The following DDI1 variants were observed in gnomAD, a reference collection of about 807,000 sequenced individuals.
The protein encoded by DDI1 is DDI proteasomal shuttling factor 1.
A neutral mutation model predicts 7.2 loss-of-function variants in DDI1; 6 were observed. The observed-to-expected ratio is 0.83, with a 90% CI of 0.46 to 1.64. The LOEUF (loss-of-function observed/expected upper bound fraction) is 1.64, where lower values mean the gene tolerates loss of function less well. Among genes scored for constraint, DDI1 ranks in the 40% most tolerant of loss-of-function variants. DDI1 has a pLI of 0.01. For synonymous variants in DDI1, 221 were observed against 201.7 expected (o/e 1.10, Z -0.81); for missense variants, 502 against 516.6 (o/e 0.97, Z 0.27).
Position 104,037,080 on chromosome 11 carries a change from G to C in DDI1, c.258G>C (p.Gly86=). ...QKDNVGPRAP[G]RAPNQPRVDF... ...ACAATGTGGGACCTCGGGCTCCAGG[G>C]CGTGCCCCGAACCAGCCTCGTGTAG... The change falls in exon 1 of 1, where the codon GGG becomes GGC. Residue 86 remains glycine (G), a synonymous_variant. Coordinates refer to ENST00000302259, the MANE Select transcript of DDI1 (RefSeq NM_001001711.3). 1 of 1,614,236 alleles carries C rather than the reference G, an allele frequency of 6.2e-7. No individual in the cohort carries two copies. Among genetic ancestry groups the C allele is most frequent in the Non-Finnish European group, 8.5e-7 (1 of 1,180,044 alleles).
In DDI1 at chr11:104,036,697, A is replaced by C. The variant is rs1860238880; in HGVS notation, c.-126A>C. The stretch of plus-strand genomic sequence containing the variant: ...AGTGTCCGCGCCTCTCTGAGAGGTG[A>C]ATGAGCCCGGACGGTCCCTACCTAC... On this transcript the variant is annotated 5_prime_UTR_variant, in exon 1 of 1. Coordinates refer to ENST00000302259, the MANE Select transcript of DDI1 (RefSeq NM_001001711.3). 2.7e-6 allele frequency: 2 copies of C among 739,226 alleles called. No homozygotes were observed. 45.8% of individuals were successfully genotyped at this position (739,226 alleles called of 1,614,324 possible). A position where few individuals can be genotyped will look rare whatever the true frequency, so the allele number is the denominator to read the frequency against.
chr11:104,038,167 C>A lies in DDI1; in HGVS notation c.*154C>A. 1.3e-6 allele frequency: 1 copy of A among 750,546 alleles called. No individual in the cohort carries two copies. Among genetic ancestry groups the A allele is most frequent in the South Asian group, 2.0e-5 (1 of 50,876 alleles). 46.5% of individuals were successfully genotyped at this position (750,546 alleles called of 1,614,324 possible). ...TCTCAGATGGGTAACTAACGTCAAT[C>A]CTGATTCCTTGGTCTTGGTCCCTCT... On this transcript the variant is annotated 3_prime_UTR_variant, in exon 1 of 1. Coordinates refer to ENST00000302259, the MANE Select transcript of DDI1 (RefSeq NM_001001711.3).
Position 104,037,837 on chromosome 11 carries a change from C to T in DDI1, c.1015C>T (p.Gln339Ter). ...AGGCCTAGATATGCTCCGGAGACAT[C>T]AATGTTCCATCGATTTGAAGAAAAA... ...LLGLDMLRRH[Q>*]CSIDLKKNVL... The change falls in exon 1 of 1, where the codon CAA becomes TAA. Residue 339 changes from glutamine (Q) to a stop codon, truncating the protein, a stop_gained. Transcript: ENST00000302259. LOFTEE classifies it low-confidence loss of function (END_TRUNC). 9 of 1,614,152 alleles carry T rather than the reference C, an allele frequency of 5.6e-6. No homozygotes were observed. The highest frequency in any genetic ancestry group is 6.8e-6 in the Non-Finnish European group (8 of 1,180,032).
rs1475480990 is a variant in DDI1 at position 104,037,765 on chromosome 11, C to T, written c.943C>T (p.Gln315Ter). The T allele has an allele frequency of 8.1e-6, 13 of 1,614,130 alleles. No homozygotes were observed. The highest frequency in any genetic ancestry group is 1.1e-5 in the South Asian group (1 of 91,078). Reference sequence around the variant, plus strand: ...GATTCAAATTGAAGGTGATTTCTTACAGTGCTCTTTCTCCATACTTGAGGA... The same window carrying T: ...GATTCAAATTGAAGGTGATTTCTTATAGTGCTCTTTCTCCATACTTGAGGA... ...AQIQIEGDFLQCSFSILEDQP... is the reference protein window; with the variant it reads ...AQIQIEGDFL Residue 315 changes from glutamine (Q) to a stop codon, truncating the protein, a stop_gained, in exon 1 of 1, where the codon CAG becomes TAG. Coordinates refer to ENST00000302259, the MANE Select transcript of DDI1 (RefSeq NM_001001711.3). LOFTEE classifies it high-confidence loss of function.
rs1246340662 is a variant in DDI1 at position 104,037,681 on chromosome 11, G to A, written c.859G>A (p.Ala287Thr). Residue 287 changes from alanine to threonine, a missense_variant, in exon 1 of 1, where the codon GCT becomes ACT. Coordinates refer to ENST00000302259, the MANE Select transcript of DDI1 (RefSeq NM_001001711.3). ...NIMRLVDRRW[A>T]GVAKGVGTQR... Reference sequence around the variant, plus strand: ...CATGAGGCTGGTGGACCGACGGTGGGCTGGGGTTGCTAAAGGAGTGGGCAC... The same window carrying A: ...CATGAGGCTGGTGGACCGACGGTGGACTGGGGTTGCTAAAGGAGTGGGCAC... The A allele has an allele frequency of 6.2e-7, 1 of 1,614,112 alleles. No individual in the cohort carries two copies. The highest frequency in any genetic ancestry group is 8.5e-7 in the Non-Finnish European group (1 of 1,180,036).
At position 104,036,680 on chromosome 11, in the gene DDI1, C is replaced by T. The variant is rs1001438638; in HGVS notation, c.-143C>T. 1 of 677,262 alleles carries T rather than the reference C, an allele frequency of 1.5e-6. No homozygotes were observed. The highest frequency in any genetic ancestry group is 2.5e-5 in the East Asian group (1 of 39,220). 42.0% of individuals were successfully genotyped at this position (677,262 alleles called of 1,614,324 possible). ...CAGCCCCCAGACAGATGAGTGTCCG[C>T]GCCTCTCTGAGAGGTGAATGAGCCC... On this transcript the variant is annotated 5_prime_UTR_variant, in exon 1 of 1. Coordinates refer to ENST00000302259, the MANE Select transcript of DDI1 (RefSeq NM_001001711.3).
At position 104,038,294 on chromosome 11, in the gene DDI1, C is replaced by A; in HGVS notation, c.*281C>A. On this transcript the variant is annotated 3_prime_UTR_variant, in exon 1 of 1. Transcript: ENST00000302259. Reference sequence around the variant, plus strand: ...CCATGAAAAAGAAAACCAGCTTCTTCCTTTAGAGACACTATCCTATCAGAT... The same window carrying A: ...CCATGAAAAAGAAAACCAGCTTCTTACTTTAGAGACACTATCCTATCAGAT... 2.6e-6 allele frequency: 1 copy of A among 380,968 alleles called. No homozygotes were observed. The allele number at this position is 380,968 out of a possible 1,614,324, so 23.6% of individuals were successfully genotyped here. A position where few individuals can be genotyped will look rare whatever the true frequency, so the allele number is the denominator to read the frequency against.
Position 104,037,222 on chromosome 11 carries a change from G to A in DDI1, c.400G>A (p.Val134Met), listed in dbSNP as rs1052537886. ...RSQGLASGEK[V>M]AGLQGLGSPA... ...ACAGGGCTTGGCGTCAGGAGAGAAG[G>A]TGGCCGGCCTGCAAGGTCTGGGCAG... The change falls in exon 1 of 1, where the codon GTG (valine) becomes ATG (methionine). Residue 134 changes from valine to methionine, a missense_variant. Coordinates refer to ENST00000302259, the MANE Select transcript of DDI1 (RefSeq NM_001001711.3). The A allele has an allele frequency of 5.6e-6, 9 of 1,613,616 alleles. No homozygotes were observed. The highest frequency in any genetic ancestry group is 4.0e-5 in the African/African-American group (3 of 74,944).
In DDI1 at chr11:104,038,389, T is replaced by C. The variant is rs115118274; in HGVS notation, c.*376T>C. ...GGAAAAATGCTATGGCTGCAGACCTTACAAGGCATCCACATAAAACTATTT... is the reference window on the plus strand; with the variant it reads ...GGAAAAATGCTATGGCTGCAGACCTCACAAGGCATCCACATAAAACTATTT... On this transcript the variant is annotated 3_prime_UTR_variant, in exon 1 of 1. Coordinates refer to ENST00000302259, the MANE Select transcript of DDI1 (RefSeq NM_001001711.3). 2,024 of 203,066 alleles carry C rather than the reference T, an allele frequency of 1.0e-2. 38 individuals carry two copies. The highest frequency in any genetic ancestry group is 0.044 in the African/African-American group (1,889 of 42,996). The allele number at this position is 203,066 out of a possible 1,614,324, so 12.6% of individuals were successfully genotyped here.
At position 104,037,026 on chromosome 11, in the gene DDI1, T is replaced by A; in HGVS notation, c.204T>A (p.Asp68Glu). Residue 68 changes from aspartate to glutamate, a missense_variant, in exon 1 of 1, where the codon GAT (aspartate) becomes GAA (glutamate). Physicochemically the swap from Asp to Glu is conservative, Grantham distance 45. Coordinates refer to ENST00000302259, the MANE Select transcript of DDI1 (RefSeq NM_001001711.3). ...HCSLGSYGLK[D>E]GDIVVLLQKD... ...CCCTGGGCTCCTACGGCCTCAAAGA[T>A]GGCGATATCGTGGTTTTACTGCAGA... The A allele has an allele frequency of 6.2e-7, 1 of 1,614,230 alleles. No homozygotes were observed. Among genetic ancestry groups the A allele is most frequent in the African/African-American group, 1.3e-5 (1 of 75,064 alleles).
Position 104,037,078 on chromosome 11 carries a change from G to A in DDI1, c.256G>A (p.Gly86Arg), listed in dbSNP as rs1860254874. 6 of 1,614,122 alleles carry A rather than the reference G, an allele frequency of 3.7e-6. No individual in the cohort carries two copies. The highest frequency in any genetic ancestry group is 1.7e-5 in the Admixed American group (1 of 60,016). ...GGACAATGTGGGACCTCGGGCTCCAGGGCGTGCCCCGAACCAGCCTCGTGT... is the reference window on the plus strand; with the variant it reads ...GGACAATGTGGGACCTCGGGCTCCAAGGCGTGCCCCGAACCAGCCTCGTGT... ...QKDNVGPRAP[G>R]RAPNQPRVDF... Residue 86 changes from glycine to arginine, a missense_variant, in exon 1 of 1, where the codon GGG becomes AGG. Physicochemically the swap from Gly to Arg is moderately radical, Grantham distance 125 (BLOSUM62 -2). Transcript: ENST00000302259.
At position 104,036,929 on chromosome 11, in the gene DDI1, C is replaced by G; in HGVS notation, c.107C>G (p.Ala36Gly). Residue 36 changes from alanine to glycine, a missense_variant, in exon 1 of 1, where the codon GCG becomes GGG. Ala to Gly is a moderately conservative substitution (Grantham distance 60). Transcript: ENST00000302259. ...CGAAACTTCAAGGTCCTCTGCGAAG[C>G]GGAGTCCAGAGTCCCCGTCGAAGAG... Reference protein sequence around the residue: ...ELRNFKVLCEAESRVPVEEIQ... With the variant: ...ELRNFKVLCEGESRVPVEEIQ... 1.2e-6 allele frequency: 2 copies of G among 1,614,206 alleles called. No individual in the cohort carries two copies. Among genetic ancestry groups the G allele is most frequent in the Non-Finnish European group, 1.7e-6 (2 of 1,180,040 alleles).
Position 104,037,668 on chromosome 11 carries a change from G to C in DDI1, c.846G>C (p.Val282=). ...AGCGATGTAACATCATGAGGCTGGT[G>C]GACCGACGGTGGGCTGGGGTTGCTA... ...CAERCNIMRL[V]DRRWAGVAKG... Residue 282 remains valine (V), a synonymous_variant, in exon 1 of 1, where the codon GTG becomes GTC. Transcript: ENST00000302259. 1 of 1,614,172 alleles carries C rather than the reference G, an allele frequency of 6.2e-7. No homozygotes were observed. Among genetic ancestry groups the C allele is most frequent in the South Asian group, 1.1e-5 (1 of 91,080 alleles).
At position 104,037,313 on chromosome 11, in the gene DDI1, A is replaced by G. The variant is rs145186645; in HGVS notation, c.491A>G (p.Asn164Ser). Residue 164 changes from asparagine to serine, a missense_variant, in exon 1 of 1, where the codon AAC (asparagine) becomes AGC (serine). Asn to Ser is a conservative substitution (Grantham distance 46, BLOSUM62 1). Coordinates refer to ENST00000302259, the MANE Select transcript of DDI1 (RefSeq NM_001001711.3). ...GATCTGTCCCTGCTCAAGGAACGCAACCCTCCCTTGGCGGAAGCCCTGCTC... is the reference window on the plus strand; with the variant it reads ...GATCTGTCCCTGCTCAAGGAACGCAGCCCTCCCTTGGCGGAAGCCCTGCTC... ...PHDLSLLKERNPPLAEALLSG... is the reference protein window; with the variant it reads ...PHDLSLLKERSPPLAEALLSG... 6.2e-7 allele frequency: 1 copy of G among 1,613,480 alleles called. No individual in the cohort carries two copies. The highest frequency in any genetic ancestry group is 1.3e-5 in the African/African-American group (1 of 75,018).
Position 104,036,958 on chromosome 11 carries a change from C to T in DDI1, c.136C>T (p.Gln46Ter), listed in dbSNP as rs1182882995. 1 of 1,614,096 alleles carries T rather than the reference C, an allele frequency of 6.2e-7. No individual in the cohort carries two copies. The highest frequency in any genetic ancestry group is 8.5e-7 in the Non-Finnish European group (1 of 1,180,044). ...AESRVPVEEI[Q>*]IIHMERLLIE... ...GTCCAGAGTCCCCGTCGAAGAGATC[C>T]AGATCATCCACATGGAGCGACTCCT... Residue 46 changes from glutamine to a stop codon, truncating the protein, a stop_gained, in exon 1 of 1, where the codon CAG becomes TAG. Coordinates refer to ENST00000302259, the MANE Select transcript of DDI1 (RefSeq NM_001001711.3). LOFTEE classifies it low-confidence loss of function (END_TRUNC).
In DDI1 at chr11:104,037,588, A is replaced by C; in HGVS notation, c.766A>C (p.Lys256Gln). The C allele has an allele frequency of 1.2e-6, 2 of 1,614,020 alleles. No individual in the cohort carries two copies. Among genetic ancestry groups the C allele is most frequent in the Non-Finnish European group, 1.7e-6 (2 of 1,180,004 alleles). Reference sequence around the variant, plus strand: ...CTGCAAAGTGAATGGGCATCCTTTGAAGGCTTTTGTTGACTCGGGCGCCCA... The same window carrying C: ...CTGCAAAGTGAATGGGCATCCTTTGCAGGCTTTTGTTGACTCGGGCGCCCA... ...INCKVNGHPL[K>Q]AFVDSGAQMT... Residue 256 changes from lysine (K) to glutamine (Q), a missense_variant, in exon 1 of 1, where the codon AAG (lysine) becomes CAG (glutamine). Transcript: ENST00000302259.
rs185485378 is a variant in DDI1, at chr11:104,039,090, G to A, written c.*1077G>A. The A allele has an allele frequency of 1.3e-3, 218 of 167,164 alleles. 3 individuals are homozygous for A. The highest frequency in any genetic ancestry group is 2.1e-4 in the Non-Finnish European group (14 of 68,108). The allele number at this position is 167,164 out of a possible 1,614,324, so 10.4% of individuals were successfully genotyped here. A position where few individuals can be genotyped will look rare whatever the true frequency, so the allele number is the denominator to read the frequency against. The stretch of plus-strand genomic sequence containing the variant: ...GACTTAATTACAACCCATGGCTAAA[G>A]CACCTGAGAGAAAAGTTTCAGCTTC... On this transcript the variant is annotated 3_prime_UTR_variant, in exon 1 of 1. Transcript: ENST00000302259.
In DDI1 at chr11:104,038,041, G is replaced by T. The variant is rs549360543; in HGVS notation, c.*28G>T. 17 of 1,582,260 alleles carry T rather than the reference G, an allele frequency of 1.1e-5. 1 individual carries two copies. The African/African-American group carries it at 1.9e-4, about 18-fold the overall frequency. On this transcript the variant is annotated 3_prime_UTR_variant, in exon 1 of 1. Coordinates refer to ENST00000302259, the MANE Select transcript of DDI1 (RefSeq NM_001001711.3). The stretch of plus-strand genomic sequence containing the variant: ...CACGTTATAAATATGTTACCACCTT[G>T]AGGGAGCCTCAGGTCCCCGGCAATT...
chr11:104,037,579 C>A lies in DDI1; in HGVS notation c.757C>A (p.His253Asn), dbSNP rs1565317395. ...CTACATTAACTGCAAAGTGAATGGG[C>A]ATCCTTTGAAGGCTTTTGTTGACTC... The part of the protein sequence containing the change: ...MLYINCKVNG[H>N]PLKAFVDSGA... The change falls in exon 1 of 1, where the codon CAT (histidine) becomes AAT (asparagine). Residue 253 changes from histidine (H) to asparagine (N), a missense_variant. Physicochemically the swap from His to Asn is moderately conservative, Grantham distance 68 (BLOSUM62 1). Coordinates refer to ENST00000302259, the MANE Select transcript of DDI1 (RefSeq NM_001001711.3). 6.2e-7 allele frequency: 1 copy of A among 1,614,004 alleles called. No homozygotes were observed. The highest frequency in any genetic ancestry group is 2.2e-5 in the East Asian group (1 of 44,866).
Sources: gnomAD v4.1 joint callset for allele counts on GRCh38, gnomAD v4.1.1 for gene constraint, MANE v1.5 for transcripts, NCBI Gene and HGNC (gene_info 2026-07-23, HGNC 2026-07-21) for gene names.